THSD4: variants seen among roughly 807,000 people sequenced by gnomAD.
THSD4 encodes thrombospondin type 1 domain containing 4.
A neutral mutation model predicts 119.0 loss-of-function variants in THSD4; 69 were observed. The observed-to-expected ratio is 0.58, with a 90% CI of 0.48 to 0.71. THSD4 has a LOEUF of 0.71. Among genes scored for constraint, THSD4 ranks in the 30% least tolerant of loss-of-function variants. The probability of loss-of-function intolerance (pLI) is 0.00; values close to 1 mark genes in which losing one functional copy is unlikely to be tolerated. For synonymous variants in THSD4, 524 were observed against 540.4 expected (o/e 0.97, Z 0.42); for missense variants, 1,393 against 1,391.1 (o/e 1.00, Z -0.02).
chr15:71,297,612 A>T (rs1174672446), intron 6 of THSD4, among the ~76,000 whole-genome samples: 1 of 152,046 alleles, frequency 6.6e-6, no homozygotes, highest in Admixed American at 6.6e-5. Flanking sequence ...GGGATTACAG[A>T]CGTGAGCTAC....
intron 3 of THSD4, among the ~76,000 whole-genome samples, chr15:71,161,168 G>A (rs538164834): frequency 1.3e-5 from 2 of 152,088 alleles, no homozygotes; most frequent in Admixed American, 6.5e-5. Flanking sequence ...GTGGCCTGAC[G>A]TGTGATCTAA....
chr15:71,133,428 A>G (rs1424602944), intron 1 of THSD4, among the ~76,000 whole-genome samples: 1 of 152,176 alleles, frequency 6.6e-6, no homozygotes, highest in Non-Finnish European at 1.5e-5. Flanking sequence ...CACCTGCTGC[A>G]CCCCAGGTGC....
chr15:71,325,810 TAAC>T (rs1260890380), intron 6 of THSD4, among the ~76,000 whole-genome samples: 4 of 152,014 alleles, frequency 2.6e-5, no homozygotes, highest in Admixed American at 2.6e-4. Flanking sequence ...AATTAAACAA[TAAC>T]AAAAAAACTC....
At chr15:71,196,922 A>G (rs1381743414) in intron 3 of THSD4, among the ~76,000 whole-genome samples, 1 of 152,192 alleles carries the variant, frequency 6.6e-6, no homozygotes, top group African/African-American at 2.4e-5. Flanking sequence ...AGACTGCCAT[A>G]CATTTCAGGG....
At chr15:71,469,814 T>C (rs1280526546) in intron 7 of THSD4, among the ~76,000 whole-genome samples, 2 of 152,214 alleles carry the variant, frequency 1.3e-5, no homozygotes, top group Non-Finnish European at 2.9e-5. Context: ...CTTCTATCAA[T>C]ATTCGTTTAA....
intron 6 of THSD4, among the ~76,000 whole-genome samples, chr15:71,394,659 A>C (rs2046422872): frequency 6.6e-6 from 1 of 152,022 alleles, no homozygotes; most frequent in Non-Finnish European, 1.5e-5. Context: ...CTCCTCCTTC[A>C]CAGAGCTAAC....
At chr15:71,723,721 G>T (rs1465500074) in intron 8 of THSD4, among the ~76,000 whole-genome samples, 1 of 152,182 alleles carries the variant, frequency 6.6e-6, no homozygotes, top group Non-Finnish European at 1.5e-5. Flanking sequence ...GCAGGGAAGA[G>T]AGGGGGCTGG....
chr15:71,177,760 A>G (rs1235287842), intron 3 of THSD4, among the ~76,000 whole-genome samples: 5 of 134,394 alleles, frequency 3.7e-5, no homozygotes, highest in Admixed American at 2.3e-4. Flanking sequence ...GGCAAACCGA[A>G]TCCAGCAGCA....
At chr15:71,314,728 G>A (rs2045162769) in intron 6 of THSD4, among the ~76,000 whole-genome samples, 1 of 152,126 alleles carries the variant, frequency 6.6e-6, no homozygotes, top group Non-Finnish European at 1.5e-5. Flanking sequence ...GCCACACCTT[G>A]GTTCAGTGTG....
chr15:71,749,852 C>A (rs1026623470), intron 14 of THSD4, among the ~76,000 whole-genome samples: 5 of 151,786 alleles, frequency 3.3e-5, no homozygotes, highest in Non-Finnish European at 7.4e-5. Flanking sequence ...CCCCTGCCCC[C>A]CTCCCGCCAA....
At chr15:71,369,377 C>G (rs1240039631) in intron 6 of THSD4, among the ~76,000 whole-genome samples, 2 of 152,224 alleles carry the variant, frequency 1.3e-5, no homozygotes, top group Non-Finnish European at 2.9e-5. Flanking sequence ...AAAGGGAAAG[C>G]TTCCAGTTTT....
chr15:71,463,389 C>G (rs548497878), intron 7 of THSD4, among the ~76,000 whole-genome samples: 2 of 152,202 alleles, frequency 1.3e-5, no homozygotes, highest in South Asian at 4.1e-4. Flanking sequence ...CAGCAGCTAT[C>G]TTTGAGAACA....
intron 6 of THSD4, among the ~76,000 whole-genome samples, chr15:71,268,909 C>T (rs943995863): frequency 1.3e-5 from 2 of 152,168 alleles, no homozygotes; most frequent in East Asian, 1.9e-4. Flanking sequence ...CAAGACTAAA[C>T]CAGGAAGAAG....
chr15:71,352,756 C>A (rs2140408051), intron 6 of THSD4, among the ~76,000 whole-genome samples: 1 of 152,290 alleles, frequency 6.6e-6, no homozygotes, highest in Non-Finnish European at 1.5e-5. Context: ...TGAGGCTTAT[C>A]CATATTGCTT....
At chr15:71,258,432 G>A (rs530830733) in intron 6 of THSD4, among the ~76,000 whole-genome samples, 1 of 152,262 alleles carries the variant, frequency 6.6e-6, no homozygotes, top group African/African-American at 2.4e-5. Flanking sequence ...ACCCGCCTCA[G>A]CCTCCCAAAG....
chr15:71,354,477 G>A (rs1020647675), intron 6 of THSD4, among the ~76,000 whole-genome samples: 1 of 152,086 alleles, frequency 6.6e-6, no homozygotes, highest in African/African-American at 2.4e-5. Flanking sequence ...CAACCCAGGT[G>A]GAGACTTTTC....
intron 6 of THSD4, among the ~76,000 whole-genome samples, chr15:71,319,647 A>G (rs1042448833): frequency 6.6e-6 from 1 of 151,952 alleles, no homozygotes; most frequent in African/African-American, 2.4e-5. Flanking sequence ...CCAGTCTATC[A>G]TTGATGGACA....
At chr15:71,754,079 C>CTTTTTTT (rs5813663) in intron 14 of THSD4, among the ~76,000 whole-genome samples, 3 of 84,348 alleles carry the variant, frequency 3.6e-5, no homozygotes, top group Non-Finnish European at 2.5e-5. Context: ...ACCTTTTATT[C>CTTTTTTT]TTTTTTTTTT....
At chr15:71,708,633 G>C (rs1047311108) in intron 8 of THSD4, among the ~76,000 whole-genome samples, 1 of 152,178 alleles carries the variant, frequency 6.6e-6, no homozygotes, top group African/African-American at 2.4e-5. Flanking sequence ...TATATATGCA[G>C]CAAGGAATTC....
Sources: allele counts gnomAD v4.1 joint callset (sites outside exome capture counted in the v4.1 genomes callset), GRCh38; gene constraint gnomAD v4.1.1; transcripts MANE v1.5; gene names NCBI Gene and HGNC (gene_info 2026-07-23, HGNC 2026-07-21).